Variants in SORCS2 observed in about 807,000 individuals in gnomAD.
The protein encoded by SORCS2 is VPS10 domain-containing receptor SorCS2.
A neutral mutation model predicts 141.6 loss-of-function variants in SORCS2; 100 were observed. That is an observed-to-expected ratio of 0.71 (90% confidence interval 0.60 to 0.83). The LOEUF (loss-of-function observed/expected upper bound fraction) is 0.83. SORCS2 is among the 40% of genes least tolerant of loss of function. The pLI is 0.00. For synonymous variants in SORCS2, 789 were observed against 676.9 expected, an observed-to-expected ratio of 1.17 and a Z score of -2.57; for missense variants, 1,646 against 1,560.2, an observed-to-expected ratio of 1.05 and a Z score of -0.93.
intron 26 of SORCS2, among the ~76,000 whole-genome samples, chr4:7,739,820 C>T (rs551180749): frequency 7.9e-5 from 12 of 152,306 alleles, no homozygotes; most frequent in East Asian, 7.7e-4. Context: ...TCTCGCCTCC[C>T]GGGGCCTCGC....
At chr4:7,533,672 C>T (rs550484406) in intron 3 of SORCS2, among the ~76,000 whole-genome samples, 5 of 152,350 alleles carry the variant, frequency 3.3e-5, no homozygotes, top group East Asian at 3.9e-4. Context: ...GGGGCAGTAA[C>T]GGAACCAAGA....
At chr4:7,482,739 C>T (rs1416252409) in intron 2 of SORCS2, among the ~76,000 whole-genome samples, 1 of 132,792 alleles carries the variant, frequency 7.5e-6, no homozygotes, top group Non-Finnish European at 1.6e-5. Context: ...ATCCCCGCTG[C>T]GGACACCCCT....
chr4:7,728,456 C>T lies in SORCS2; in HGVS notation c.2976C>T (p.Leu992=). 1 of 1,610,862 alleles carries T rather than the reference C, an allele frequency of 6.2e-7. No homozygotes were observed. Among genetic ancestry groups the T allele is most frequent in the African/African-American group, 1.3e-5 (1 of 75,012 alleles). ...TGGGCCTGGTGGTCACCCGGCTGCTCTCCAAGGTGTCCACCCAGAGCCTAG... is the reference window on the plus strand; with the variant it reads ...TGGGCCTGGTGGTCACCCGGCTGCTTTCCAAGGTGTCCACCCAGAGCCTAG... ...EDVGLVVTRL[L]SKETSVPQEL... Residue 992 remains leucine (L), a synonymous_variant, in exon 22 of 27, where the codon CTC becomes CTT. Coordinates refer to ENST00000507866, the MANE Select transcript of SORCS2 (RefSeq NM_020777.3).
intron 1 of SORCS2, among the ~76,000 whole-genome samples, chr4:7,226,822 C>G (rs1045603523): frequency 1.3e-5 from 2 of 152,210 alleles, no homozygotes; most frequent in South Asian, 4.1e-4. Context: ...CAAGCACCGC[C>G]GGGAAGCACC....
intron 14 of SORCS2, among the ~76,000 whole-genome samples, chr4:7,706,442 G>A (rs1725465064): frequency 5.5e-5 from 7 of 127,412 alleles, no homozygotes; most frequent in Admixed American, 2.3e-4. Flanking sequence ...GTCTGGGCAG[G>A]GATGAGGCTG....
At chr4:7,616,772 T>A (rs1400077927) in intron 3 of SORCS2, among the ~76,000 whole-genome samples, 1 of 152,244 alleles carries the variant, frequency 6.6e-6, no homozygotes, top group Non-Finnish European at 1.5e-5. Flanking sequence ...GAGCTTGTTT[T>A]AAAAACTGAC....
chr4:7,530,294 T>C (rs1711532701), intron 2 of SORCS2, among the ~76,000 whole-genome samples: 1 of 152,156 alleles, frequency 6.6e-6, no homozygotes, highest in Non-Finnish European at 1.5e-5. Flanking sequence ...GCCACACACG[T>C]CAGTGCAGGC....
chr4:7,434,333 G>C, intron 2 of SORCS2: 1 of 1,610,932 alleles, frequency 6.2e-7, no homozygotes, highest in Non-Finnish European at 8.5e-7. Context: ...TCTTGGCACA[G>C]AGCTCCTTCA....
At chr4:7,334,030 C>A (rs1042403059) in intron 1 of SORCS2, among the ~76,000 whole-genome samples, 1 of 152,188 alleles carries the variant, frequency 6.6e-6, no homozygotes, top group Non-Finnish European at 1.5e-5. Context: ...TGTCCAGCCT[C>A]ACAGCTTCCT....
chr4:7,581,809 C>A (rs577025769), intron 3 of SORCS2, among the ~76,000 whole-genome samples: 2 of 152,260 alleles, frequency 1.3e-5, no homozygotes, highest in South Asian at 2.1e-4. Context: ...TAGCTCTGCC[C>A]CAGTGCTTGC....
At chr4:7,335,778 G>T (rs939458612) in intron 1 of SORCS2, among the ~76,000 whole-genome samples, 2 of 152,260 alleles carry the variant, frequency 1.3e-5, no homozygotes, top group Non-Finnish European at 2.9e-5. Flanking sequence ...CGGCTGGGGG[G>T]TGTGGCGTGG....
At chr4:7,274,860 G>A (rs1037206024) in intron 1 of SORCS2, among the ~76,000 whole-genome samples, 1 of 152,088 alleles carries the variant, frequency 6.6e-6, no homozygotes, top group Non-Finnish European at 1.5e-5. Flanking sequence ...GGGAGTCTTG[G>A]GTTCAACACC....
rs201433688 is a variant in SORCS2 at position 7,704,272 on chromosome 4, C to A, written c.1856C>A (p.Thr619Lys). The change falls in exon 14 of 27, where the codon ACG becomes AAG. Residue 619 changes from threonine (T) to lysine (K), a missense_variant. Thr to Lys is a moderately conservative substitution (Grantham distance 78). Coordinates refer to ENST00000507866, the MANE Select transcript of SORCS2 (RefSeq NM_020777.3). ...CTGCTGAGTGAGCCAGGGGACGAGA[C>A]GCTGGTCATGACGTGAGTGCGGGGA... ...DGLLSEPGDE[T>K]LVMTVFGHIS... The A allele has an allele frequency of 1.9e-6, 3 of 1,611,276 alleles. No individual in the cohort carries two copies. Among genetic ancestry groups the A allele is most frequent in the Non-Finnish European group, 2.5e-6 (3 of 1,179,028 alleles).
chr4:7,524,728 C>T (rs767632148), intron 2 of SORCS2, among the ~76,000 whole-genome samples: 5 of 152,102 alleles, frequency 3.3e-5, no homozygotes, highest in Non-Finnish European at 7.4e-5. Context: ...TCTCTTCCCA[C>T]CGGCCTGGCC....
At chr4:7,636,808 C>T (rs796715745) in intron 3 of SORCS2, among the ~76,000 whole-genome samples, 17 of 152,214 alleles carry the variant, frequency 1.1e-4, no homozygotes, top group African/African-American at 4.1e-4. Context: ...GTTGCCGTTG[C>T]AAAGACCCAC....
chr4:7,529,221 C>G (rs148095962), intron 2 of SORCS2, among the ~76,000 whole-genome samples: 16 of 152,202 alleles, frequency 1.1e-4, no homozygotes, highest in African/African-American at 3.4e-4. Flanking sequence ...GCAAACATCA[C>G]CTTGTCTAAG....
intron 3 of SORCS2, among the ~76,000 whole-genome samples, chr4:7,553,396 A>G (rs1368496879): frequency 6.6e-6 from 1 of 152,274 alleles, no homozygotes; most frequent in Non-Finnish European, 1.5e-5. Flanking sequence ...ACATATTTTC[A>G]GTACTGAATT....
intron 3 of SORCS2, among the ~76,000 whole-genome samples, chr4:7,559,400 C>T (rs1440810409): frequency 3.3e-5 from 5 of 152,156 alleles, no homozygotes; most frequent in Admixed American, 6.5e-5. Context: ...GAGGTCAGGG[C>T]GCACCTGGAG....
At chr4:7,366,597 T>A (rs1195637102) in intron 1 of SORCS2, among the ~76,000 whole-genome samples, 12 of 151,688 alleles carry the variant, frequency 7.9e-5, no homozygotes, top group Admixed American at 7.9e-4. Context: ...CACTGGCAGT[T>A]CCATCTGCCT....
Sources: gnomAD v4.1 joint callset for allele counts (sites outside exome capture counted in the v4.1 genomes callset) on GRCh38, gnomAD v4.1.1 for gene constraint, MANE v1.5 for transcripts, NCBI Gene and HGNC (gene_info 2026-07-23, HGNC 2026-07-21) for gene names.